The following ATP8B1 variants were observed in gnomAD, a reference collection of about 807,000 sequenced individuals.
The protein encoded by ATP8B1 is ATPase phospholipid transporting 8B1.
In ATP8B1, 80 loss-of-function variants were observed where a neutral mutation model predicts 149.9. The ratio of observed to expected loss-of-function variants is 0.53; its 90% CI spans 0.45 to 0.64. The LOEUF is 0.64. Ranked by LOEUF, ATP8B1 falls within the 30% of genes least tolerant of loss-of-function variation. The pLI is 0.00. For missense variants in ATP8B1, 1,247 were observed against 1,552.6 expected (o/e 0.80, Z 3.31); for synonymous variants, 536 against 562.8 (o/e 0.95, Z 0.67).
intron 1 of ATP8B1, among the ~76,000 whole-genome samples, chr18:57,743,355 A>G (rs543398962): frequency 6.6e-6 from 1 of 152,180 alleles, no homozygotes; most frequent in South Asian, 2.1e-4. Context: ...CCTTCCCCAC[A>G]CCTACTAACA....
chr18:57,676,080 C>A (rs908986047), intron 15 of ATP8B1, among the ~76,000 whole-genome samples: 4 of 152,224 alleles, frequency 2.6e-5, no homozygotes, highest in African/African-American at 9.6e-5. Flanking sequence ...TTTTAAAACT[C>A]ATTGGTATAC....
intron 20 of ATP8B1, among the ~76,000 whole-genome samples, chr18:57,666,491 G>A (rs1910863810): frequency 6.7e-6 from 1 of 150,342 alleles, no homozygotes; most frequent in Non-Finnish European, 1.5e-5. Flanking sequence ...ATTTGCTAGC[G>A]ATATTACAGG....
rs2080421917 is a variant in ATP8B1, at chr18:57,787,534, T to C, written c.-26+15464A>G. ...GCGGGTGGAGCTCCATCTAGGACAC[T>C]GTGGGTGGAGCTCCATCTAGAACAC... On this transcript the variant is annotated intron_variant, in intron 1 of 27. Coordinates refer to ENST00000648908, the MANE Select transcript of ATP8B1 (RefSeq NM_001374385.1). Among the ~76,000 whole-genome samples, 3 of 152,254 alleles carry C rather than the reference T, an allele frequency of 2.0e-5. No homozygotes were observed. The South Asian group carries it at 6.2e-4, about 32-fold the overall frequency.
intron 14 of ATP8B1, among the ~76,000 whole-genome samples, chr18:57,684,592 C>T (rs1336736124): frequency 6.6e-6 from 1 of 152,064 alleles, no homozygotes; most frequent in African/African-American, 2.4e-5. Context: ...CTCAATTGAT[C>T]TGCCAAACTT....
chr18:57,740,231 C>T (rs1399145937), intron 1 of ATP8B1, among the ~76,000 whole-genome samples: 1 of 151,780 alleles, frequency 6.6e-6, no homozygotes, highest in Non-Finnish European at 1.5e-5. Flanking sequence ...GCTGAGATTA[C>T]AGGTGTAAGC....
intron 1 of ATP8B1, among the ~76,000 whole-genome samples, chr18:57,739,949 C>T (rs2079894788): frequency 6.6e-6 from 1 of 152,194 alleles, no homozygotes; most frequent in African/African-American, 2.4e-5. Context: ...ACTTAGGAGG[C>T]TTATAGTCTA....
chr18:57,795,833 T>C lies in ATP8B1; in HGVS notation c.-26+7165A>G, dbSNP rs553466664. On this transcript the variant is annotated intron_variant, in intron 1 of 27. Transcript: ENST00000648908. Reference sequence around the variant, plus strand: ...TACCTAATGCCACTGAACTGTGCACTGAAAAAGGATCAAGATGGTCAATGT... The same window carrying C: ...TACCTAATGCCACTGAACTGTGCACCGAAAAAGGATCAAGATGGTCAATGT... 1.9e-4 allele frequency among the ~76,000 whole-genome samples: 29 copies of C among 151,942 alleles called. No individual in the cohort carries two copies. The South Asian group carries it at 6.0e-3, about 32-fold the overall frequency.
chr18:57,789,740 G>A (rs897896217), intron 1 of ATP8B1, among the ~76,000 whole-genome samples: 1 of 152,160 alleles, frequency 6.6e-6, no homozygotes, highest in African/African-American at 2.4e-5. Context: ...CATAAAGCAC[G>A]GCTTGTGACT....
rs1283661397 is a variant in ATP8B1, at chr18:57,679,264, TAACTA to T, written c.1631-4247_1631-4243del. Among the ~76,000 whole-genome samples, 4 of 151,458 alleles carry T rather than the reference TAACTA, an allele frequency of 2.6e-5. No homozygotes were observed. The East Asian group carries it at 7.7e-4, about 29-fold the overall frequency. ...AAAGAATAAAAAAGAAAAGAAAAAC[TAACTA>T]TTAAGTTCTGTGTTCACTACCTGGA... is the stretch of plus-strand genomic sequence containing the variant. On this transcript the variant is annotated intron_variant, in intron 15 of 27. Coordinates refer to ENST00000648908, the MANE Select transcript of ATP8B1 (RefSeq NM_001374385.1).
chr18:57,668,438 C>G lies in ATP8B1; in HGVS notation c.2200G>C (p.Asp734His). ...ADIKIWVLTG[D>H]KKETAENIGF... Reference sequence around the variant, plus strand: ...CTGCACAATGAATTACCCTTTTTGTCTCCAGTAAGCACCCAGATCTTAATG... The same window carrying G: ...CTGCACAATGAATTACCCTTTTTGTGTCCAGTAAGCACCCAGATCTTAATG... Residue 734 changes from aspartate to histidine, a missense_variant, in exon 19 of 28, where the codon GAC (aspartate) becomes CAC (histidine). Physicochemically the swap from Asp to His is moderately conservative, Grantham distance 81 (BLOSUM62 -1). Transcript: ENST00000648908. 1 of 1,603,728 alleles carries G rather than the reference C, an allele frequency of 6.2e-7. No individual in the cohort carries two copies. The highest frequency in any genetic ancestry group is 8.5e-7 in the Non-Finnish European group (1 of 1,171,806).
intron 1 of ATP8B1, among the ~76,000 whole-genome samples, chr18:57,760,485 C>G (rs905817317): frequency 6.6e-6 from 1 of 152,154 alleles, no homozygotes; most frequent in Non-Finnish European, 1.5e-5. Context: ...CTTCCACCTT[C>G]CCCAAACTGA....
chr18:57,717,201 C>G (rs550976320), intron 2 of ATP8B1, among the ~76,000 whole-genome samples: 1 of 152,026 alleles, frequency 6.6e-6, no homozygotes, highest in African/African-American at 2.4e-5. Flanking sequence ...TATAGCTATA[C>G]GTGCCTACAT....
intron 1 of ATP8B1, among the ~76,000 whole-genome samples, chr18:57,774,174 C>A (rs1261184694): frequency 6.6e-6 from 1 of 152,310 alleles, no homozygotes; most frequent in Non-Finnish European, 1.5e-5. Context: ...TAGCCCCTCA[C>A]CTTACTGTCC....
At chr18:57,762,437 C>A (rs771639521) in intron 1 of ATP8B1, among the ~76,000 whole-genome samples, 30 of 152,138 alleles carry the variant, frequency 2.0e-4, no homozygotes, top group Admixed American at 3.9e-4. Context: ...ATGTGCCCGG[C>A]CCCAGTAATG....
intron 1 of ATP8B1, among the ~76,000 whole-genome samples, chr18:57,761,112 T>TAAA (rs1399687791): frequency 1.8e-4 from 24 of 133,564 alleles, no homozygotes; most frequent in African/African-American, 5.9e-4. Flanking sequence ...TAAAATAAAA[T>TAAA]ATAAAATAAA....
intron 20 of ATP8B1, among the ~76,000 whole-genome samples, chr18:57,663,510 CTG>C (rs1910638869): frequency 6.6e-6 from 1 of 152,188 alleles, no homozygotes; most frequent in Non-Finnish European, 1.5e-5. Context: ...CATCACCATA[CTG>C]TTTTGCATAG....
chr18:57,656,121 AGAAG>A (rs1165209869), intron 22 of ATP8B1, among the ~76,000 whole-genome samples: 2 of 152,112 alleles, frequency 1.3e-5, no homozygotes, highest in Non-Finnish European at 2.9e-5. Flanking sequence ...CCAGAAGAGT[AGAAG>A]CTCTTCTGGT....
chr18:57,749,206 A>G (rs560401800), intron 1 of ATP8B1, among the ~76,000 whole-genome samples: 2 of 152,342 alleles, frequency 1.3e-5, no homozygotes, highest in South Asian at 4.1e-4. Flanking sequence ...GCAGTAGCAC[A>G]TGGTGATGAG....
chr18:57,648,633 G>A lies in ATP8B1; in HGVS notation c.3611C>T (p.Thr1204Met), dbSNP rs768785533. The change falls in exon 28 of 28, where the codon ACG becomes ATG. Residue 1204 changes from threonine (T) to methionine (M), a missense_variant. Around this residue, in one of 3 missense-constraint regions of ATP8B1, gnomAD observed 164 missense variants for 160.3 expected, o/e 1.02. Coordinates refer to ENST00000648908, the MANE Select transcript of ATP8B1 (RefSeq NM_001374385.1). ...RQQVFRRGVS[T>M]RRSAYAFSHQ... ...CGAGAAGGCGTAGGCCGAGCGCCGC[G>A]TTGACACGCCCCGGCGGAACACCTG... is the stretch of plus-strand genomic sequence containing the variant. 10 of 1,603,182 alleles carry A rather than the reference G, an allele frequency of 6.2e-6. No individual in the cohort carries two copies. The highest frequency in any genetic ancestry group is 8.5e-6 in the Non-Finnish European group (10 of 1,176,056).
Sources: allele counts gnomAD v4.1 joint callset (sites outside exome capture counted in the v4.1 genomes callset), GRCh38; gene constraint gnomAD v4.1.1; regional missense constraint gnomAD v4.1.1; transcripts MANE v1.5; gene names NCBI Gene and HGNC (gene_info 2026-07-23, HGNC 2026-07-21).